GALNT13: variants seen among roughly 807,000 people sequenced by gnomAD.
GALNT13 encodes polypeptide N-acetylgalactosaminyltransferase 13, also known as UDP-GalNAc:polypeptide N-acetylgalactosaminyltransferase 13.
In GALNT13, 28 loss-of-function variants were observed where a neutral mutation model predicts 64.2. That is an observed-to-expected ratio of 0.44 (90% confidence interval 0.32 to 0.60). The LOEUF (loss-of-function observed/expected upper bound fraction) is 0.60. GALNT13 is among the 20% of genes least tolerant of loss of function. The pLI, the probability that GALNT13 is intolerant of heterozygous loss-of-function variation, is 0.05. For synonymous variants in GALNT13, 214 were observed against 224.6 expected (o/e 0.95, Z 0.42); for missense variants, 577 against 669.8 (o/e 0.86, Z 1.53).
intron 4 of GALNT13, among the ~76,000 whole-genome samples, chr2:154,222,040 A>G (rs62171199): frequency 0.032 from 4,859 of 152,018 alleles, 103 homozygotes; most frequent in East Asian, 0.13. Context: ...GGGTGGGTGC[A>G]TTTTTCTAGC....
the GALNT13 span, among the ~76,000 whole-genome samples, chr2:153,316,639 C>CAAAAAAAAAAAAAA: frequency 9.5e-3 from 665 of 69,674 alleles, 52 homozygotes; most frequent in Middle Eastern, 0.031. Flanking sequence ...GACTCCGTCT[C>CAAAAAAAAAAAAAA]AAAAAAAAAA....
At chr2:153,976,487 T>C (rs965795598) in intron 3 of GALNT13, among the ~76,000 whole-genome samples, 1 of 152,134 alleles carries the variant, frequency 6.6e-6, no homozygotes, top group African/African-American at 2.4e-5. Flanking sequence ...TAAATTTTCT[T>C]CCAAGCCAAT....
the GALNT13 span, chr2:153,593,161 G>A: frequency 6.6e-6 from 1 of 152,432 alleles, no homozygotes; most frequent in South Asian, 2.1e-4. Flanking sequence ...GCAGCTGGGA[G>A]GTGGGTAGCC....
At chr2:153,450,594 T>C in the GALNT13 span, among the ~76,000 whole-genome samples, 2 of 147,876 alleles carry the variant, frequency 1.4e-5, no homozygotes, top group Non-Finnish European at 3.0e-5. Flanking sequence ...TTTTTTTTGG[T>C]CCACACTTTA....
At chr2:153,194,882 A>G in the GALNT13 span, among the ~76,000 whole-genome samples, 1 of 152,166 alleles carries the variant, frequency 6.6e-6, no homozygotes. Context: ...CAGTGGCTTT[A>G]GCTGCACTTG....
At chr2:153,790,654 G>A in the GALNT13 span, among the ~76,000 whole-genome samples, 5 of 152,160 alleles carry the variant, frequency 3.3e-5, no homozygotes, top group African/African-American at 7.2e-5. Flanking sequence ...AAGAGAGGAT[G>A]CCAAACTATC....
chr2:153,153,848 G>A, the GALNT13 span, among the ~76,000 whole-genome samples: 2 of 151,816 alleles, frequency 1.3e-5, no homozygotes, highest in African/African-American at 2.4e-5. Context: ...CTCCAGCTTT[G>A]TTCTTTTGCT....
chr2:153,100,789 G>C, the GALNT13 span, among the ~76,000 whole-genome samples: 3 of 152,232 alleles, frequency 2.0e-5, no homozygotes, highest in African/African-American at 7.2e-5. Flanking sequence ...AGCACTTTGC[G>C]GGGCTGAGGC....
chr2:154,412,104 T>TCA, intron 11 of GALNT13, among the ~76,000 whole-genome samples: 1 of 151,924 alleles, frequency 6.6e-6, no homozygotes, highest in East Asian at 1.9e-4. Flanking sequence ...GTGGCTAATG[T>TCA]CACAAGCAAG....
intron 3 of GALNT13, among the ~76,000 whole-genome samples, chr2:154,022,446 T>C (rs965722636): frequency 6.6e-6 from 1 of 152,206 alleles, no homozygotes; most frequent in East Asian, 1.9e-4. Flanking sequence ...TCGAGGAATT[T>C]ATCCATTTCT....
intron 3 of GALNT13, among the ~76,000 whole-genome samples, chr2:153,962,152 A>G (rs930206432): frequency 1.3e-5 from 2 of 152,340 alleles, no homozygotes; most frequent in South Asian, 2.1e-4. Context: ...AATTTGATTT[A>G]TAGCCCAAAT....
the GALNT13 span, among the ~76,000 whole-genome samples, chr2:153,439,598 G>A: frequency 6.6e-6 from 1 of 152,176 alleles, no homozygotes; most frequent in Non-Finnish European, 1.5e-5. Context: ...AAGGCTCCGT[G>A]GGCATAGGAC....
At chr2:153,806,019 C>T in the GALNT13 span, among the ~76,000 whole-genome samples, 1 of 151,898 alleles carries the variant, frequency 6.6e-6, no homozygotes, top group Non-Finnish European at 1.5e-5. Flanking sequence ...AGCTTTCCTA[C>T]CAAAGAGCCT....
At chr2:154,176,074 A>T (rs1050824258) in intron 4 of GALNT13, among the ~76,000 whole-genome samples, 4 of 152,058 alleles carry the variant, frequency 2.6e-5, no homozygotes, top group African/African-American at 9.7e-5. Context: ...AGTGATAACG[A>T]AAACATTAGA....
intron 3 of GALNT13, among the ~76,000 whole-genome samples, chr2:154,087,305 T>A (rs2105429961): frequency 6.6e-6 from 1 of 152,238 alleles, no homozygotes; most frequent in African/African-American, 2.4e-5. Flanking sequence ...GTACATATTT[T>A]TTTTAAGTCT....
At chr2:153,456,864 T>G in the GALNT13 span, among the ~76,000 whole-genome samples, 2 of 152,142 alleles carry the variant, frequency 1.3e-5, no homozygotes, top group Admixed American at 6.5e-5. Flanking sequence ...GGATTACACA[T>G]GCGGATGAAT....
intron 3 of GALNT13, among the ~76,000 whole-genome samples, chr2:154,066,836 C>T (rs1377764315): frequency 6.6e-6 from 1 of 151,786 alleles, no homozygotes; most frequent in East Asian, 1.9e-4. Flanking sequence ...AAAACACAGA[C>T]TATTGTAACA....
chr2:154,237,875 A>T (rs1208112288), intron 4 of GALNT13, among the ~76,000 whole-genome samples: 1 of 151,992 alleles, frequency 6.6e-6, no homozygotes, highest in African/African-American at 2.4e-5. Flanking sequence ...GTCTGAAGAG[A>T]ACAAGATATG....
the GALNT13 span, among the ~76,000 whole-genome samples, chr2:153,686,364 C>T: frequency 1.3e-5 from 2 of 151,968 alleles, no homozygotes; most frequent in Admixed American, 1.3e-4. Context: ...ACTTTCACCT[C>T]CCTAGTTAGC....
Sources: allele counts gnomAD v4.1 joint callset (sites outside exome capture counted in the v4.1 genomes callset), GRCh38; gene constraint gnomAD v4.1.1; transcripts MANE v1.5; gene names NCBI Gene and HGNC (gene_info 2026-07-23, HGNC 2026-07-21).